PARD3B: variants seen among roughly 807,000 people sequenced by gnomAD.
The protein encoded by PARD3B is partitioning defective 3 homolog B.
In PARD3B, 103 loss-of-function variants were observed where a neutral mutation model predicts 130.2. That is an observed-to-expected ratio of 0.79 (90% CI 0.67 to 0.93). PARD3B has a LOEUF of 0.93. PARD3B is among the 40% of genes least tolerant of loss of function. The probability of loss-of-function intolerance (pLI) is 0.00; values close to 1 mark genes in which losing one functional copy is unlikely to be tolerated. For synonymous variants in PARD3B, 583 were observed against 553.2 expected, an observed-to-expected ratio of 1.05 and a Z score of -0.76; for missense variants, 1,609 against 1,499.2, an observed-to-expected ratio of 1.07 and a Z score of -1.21.
At chr2:204,582,444 G>GT (rs2032607591) in intron 1 of PARD3B, among the ~76,000 whole-genome samples, 1 of 152,110 alleles carries the variant, frequency 6.6e-6, no homozygotes, top group Non-Finnish European at 1.5e-5. Flanking sequence ...CTTGGGATTA[G>GT]TTTTTTCTTG....
intron 22 of PARD3B, among the ~76,000 whole-genome samples, chr2:205,603,687 CT>C (rs1374218926): frequency 2.0e-5 from 3 of 151,968 alleles, no homozygotes; most frequent in African/African-American, 7.3e-5. Context: ...CTTTTTTCTG[CT>C]TTCTATTTGC....
At chr2:205,118,131 T>G (rs1017872588) in intron 6 of PARD3B, among the ~76,000 whole-genome samples, 1 of 152,158 alleles carries the variant, frequency 6.6e-6, no homozygotes, top group Non-Finnish European at 1.5e-5. Flanking sequence ...GCTGCCCTAC[T>G]CGGAAGCGGG....
intron 18 of PARD3B, among the ~76,000 whole-genome samples, chr2:205,339,203 A>G (rs1033228127): frequency 6.6e-6 from 1 of 152,190 alleles, no homozygotes; most frequent in African/African-American, 2.4e-5. Context: ...TAAGTCAAAT[A>G]TTAGTCTATT....
At chr2:204,973,794 G>T (rs1300008016) in intron 3 of PARD3B, among the ~76,000 whole-genome samples, 1 of 152,126 alleles carries the variant, frequency 6.6e-6, no homozygotes, top group Non-Finnish European at 1.5e-5. Flanking sequence ...TTGGCCCAGT[G>T]AAAGTAGGAA....
In PARD3B at chr2:205,146,128, G is replaced by A. The variant is rs2033338433; in HGVS notation, c.1435-12594G>A. Among the ~76,000 whole-genome samples the A allele has an allele frequency of 6.6e-6, 1 of 152,186 alleles. No homozygotes were observed. Among genetic ancestry groups the A allele is most frequent in the Admixed American group, 6.5e-5 (1 of 15,278 alleles). On this transcript the variant is annotated intron_variant, in intron 10 of 22. Transcript: ENST00000406610. This position sits in a 1 kb window ranked among gnomAD's most constrained non-coding sequence, Gnocchi z 4.3. ...GCAAGTCTCATCTGTGGATACAGCA[G>A]GCACCGTAGCCCATGTACTCACTTT...
intron 2 of PARD3B, among the ~76,000 whole-genome samples, chr2:204,774,230 T>TTTATTA (rs1330761484): frequency 6.6e-6 from 1 of 152,030 alleles, no homozygotes; most frequent in African/African-American, 2.4e-5. Context: ...TTATTAGCAC[T>TTTATTA]TAATACTTCC....
chr2:205,038,965 G>A (rs961234148), intron 3 of PARD3B, among the ~76,000 whole-genome samples: 6 of 152,132 alleles, frequency 3.9e-5, no homozygotes, highest in African/African-American at 1.2e-4. Flanking sequence ...CCTAGCTGCT[G>A]CATTCATCAC....
intron 2 of PARD3B, among the ~76,000 whole-genome samples, chr2:204,706,740 T>G (rs2038181996): frequency 6.6e-6 from 1 of 152,062 alleles, no homozygotes; most frequent in Admixed American, 6.5e-5. Flanking sequence ...GAATTGGAAA[T>G]TTTTTTGATT....
At chr2:205,410,140 T>C (rs2046548540) in intron 19 of PARD3B, among the ~76,000 whole-genome samples, 1 of 152,182 alleles carries the variant, frequency 6.6e-6, no homozygotes, top group Non-Finnish European at 1.5e-5. Flanking sequence ...TGCATTATGT[T>C]TACCAGTTGA....
In PARD3B at chr2:204,996,926, G is replaced by A. The variant is rs544902408; in HGVS notation, c.394+31603G>A. 1.8e-4 allele frequency among the ~76,000 whole-genome samples: 28 copies of A among 151,866 alleles called. No individual in the cohort carries two copies. In the East Asian group the frequency reaches 5.1e-3, roughly 28 times the overall value. The stretch of plus-strand genomic sequence containing the variant: ...CGCTTCCCAGGTGAGGCAATGCCTC[G>A]CCCTGCTTCGGCTCGCACATGGTGC... On this transcript the variant is annotated intron_variant, in intron 3 of 22. Coordinates refer to ENST00000406610, the MANE Select transcript of PARD3B (RefSeq NM_001302769.2).
chr2:205,114,533 C>T (rs938594966), intron 6 of PARD3B, among the ~76,000 whole-genome samples: 13 of 152,048 alleles, frequency 8.5e-5, no homozygotes, highest in African/African-American at 2.9e-4. Flanking sequence ...AATTGATTTT[C>T]CCAAGGTCAT....
chr2:204,648,649 T>A (rs1247539123), intron 1 of PARD3B, among the ~76,000 whole-genome samples: 99 of 115,828 alleles, frequency 8.5e-4, no homozygotes, highest in South Asian at 3.0e-3. Flanking sequence ...ATATTATATA[T>A]ATAATATATT....
chr2:204,770,914 C>T (rs753386184), intron 2 of PARD3B, among the ~76,000 whole-genome samples: 1 of 152,042 alleles, frequency 6.6e-6, no homozygotes, highest in African/African-American at 2.4e-5. Context: ...CAAACAGCAG[C>T]CTGAGCTCTG....
chr2:205,028,588 C>T (rs1697199046), intron 3 of PARD3B, among the ~76,000 whole-genome samples: 1 of 152,110 alleles, frequency 6.6e-6, no homozygotes. Flanking sequence ...CACTAGCGGC[C>T]TTCCCTTCAG....
In PARD3B at chr2:205,047,562, C is replaced by T. The variant is rs199556934; in HGVS notation, c.395-19C>T. On this transcript the variant is annotated intron_variant, in intron 3 of 22. Transcript: ENST00000406610. ...CCCCAGGGTTCTTTTGACCTCTCAC[C>T]TCTCACTTTGTCTTCCAGGCACTCC... The T allele has an allele frequency of 6.6e-7, 1 of 1,520,640 alleles. No homozygotes were observed. Among genetic ancestry groups the T allele is most frequent in the East Asian group, 2.5e-5 (1 of 40,716 alleles). 94.2% of individuals were successfully genotyped at this position (1,520,640 alleles called of 1,614,324 possible). A position where few individuals can be genotyped will look rare whatever the true frequency, so the allele number is the denominator to read the frequency against.
chr2:204,646,034 G>C (rs940301985), intron 1 of PARD3B, among the ~76,000 whole-genome samples: 1 of 152,002 alleles, frequency 6.6e-6, no homozygotes, highest in African/African-American at 2.4e-5. Flanking sequence ...TCTAGCCAAA[G>C]AACATTCTGG....
intron 1 of PARD3B, among the ~76,000 whole-genome samples, chr2:204,595,449 C>G (rs1175332505): frequency 2.0e-5 from 3 of 152,210 alleles, no homozygotes; most frequent in Non-Finnish European, 4.4e-5. Flanking sequence ...CTTCTCCATC[C>G]TGTTTCTTAT....
At chr2:205,441,173 G>A (rs1246967735) in intron 20 of PARD3B, among the ~76,000 whole-genome samples, 1 of 152,170 alleles carries the variant, frequency 6.6e-6, no homozygotes. Flanking sequence ...ACCCTGTATA[G>A]ATATTCATGG....
rs981490130 is a variant in PARD3B, at chr2:205,618,390, C to G, written c.*2577C>G. 6.6e-6 allele frequency: 1 copy of G among 152,202 alleles called. No homozygotes were observed. Among genetic ancestry groups the G allele is most frequent in the Non-Finnish European group, 1.5e-5 (1 of 68,042 alleles). The allele number at this position is 152,202 out of a possible 1,614,324, so 9.4% of individuals were successfully genotyped here. ...CCACCCAGAGGTTACAGGACTCTTT[C>G]CCAGCATTTAGGGGAACAGGCTTTT... On this transcript the variant is annotated 3_prime_UTR_variant, in exon 23 of 23. Coordinates refer to ENST00000406610, the MANE Select transcript of PARD3B (RefSeq NM_001302769.2).
Sources: allele counts gnomAD v4.1 joint callset (sites outside exome capture counted in the v4.1 genomes callset), GRCh38; gene constraint gnomAD v4.1.1; non-coding constraint Gnocchi (gnomAD v3.1); transcripts MANE v1.5; gene names NCBI Gene and HGNC (gene_info 2026-07-23, HGNC 2026-07-21).